PRKN: variants seen among roughly 807,000 people sequenced by gnomAD.
PRKN encodes E3 ubiquitin-protein ligase parkin.
A neutral mutation model predicts 59.5 loss-of-function variants in PRKN; 56 were observed. That is an observed-to-expected ratio of 0.94 (90% CI 0.76 to 1.18). The LOEUF is 1.18. PRKN is among the 50% of genes most tolerant of loss of function. The pLI is 0.00. For synonymous variants in PRKN, 250 were observed against 222.1 expected (o/e 1.13, Z -1.12); for missense variants, 657 against 596.4 (o/e 1.10, Z -1.06).
intron 1 of PRKN, among the ~76,000 whole-genome samples, chr6:162,680,185 A>G (rs1779716527): frequency 6.6e-6 from 1 of 151,230 alleles, no homozygotes; most frequent in Admixed American, 6.6e-5. Flanking sequence ...TATATATACT[A>G]AATAATATTT....
intron 1 of PRKN, among the ~76,000 whole-genome samples, chr6:162,576,452 T>C (rs1167125621): frequency 2.0e-5 from 3 of 152,154 alleles, no homozygotes; most frequent in Admixed American, 6.5e-5. Flanking sequence ...AATTACCCAG[T>C]GTTGAACATT....
chr6:161,369,567 C>T lies in PRKN; in HGVS notation c.1168-9362G>A, dbSNP rs1030086857. Among the ~76,000 whole-genome samples the T allele has an allele frequency of 1.3e-5, 2 of 152,126 alleles. No homozygotes were observed. Among genetic ancestry groups the T allele is most frequent in the Non-Finnish European group, 2.9e-5 (2 of 68,036 alleles). ...CGCCCGATTGTGCAATAAAGTGTGGCTCTCACGGGGCAGTGTAACTGTTAG... is the reference window on the plus strand; with the variant it reads ...CGCCCGATTGTGCAATAAAGTGTGGTTCTCACGGGGCAGTGTAACTGTTAG... On this transcript the variant is annotated intron_variant, in intron 10 of 11. Coordinates refer to ENST00000366898, the MANE Select transcript of PRKN (RefSeq NM_004562.3). This position sits in a 1 kb window ranked among gnomAD's most constrained non-coding sequence, Gnocchi z 5.8.
intron 1 of PRKN, among the ~76,000 whole-genome samples, chr6:162,590,422 A>C (rs1318097872): frequency 2.0e-5 from 3 of 152,176 alleles, no homozygotes; most frequent in Non-Finnish European, 4.4e-5. Context: ...TATCAACCTT[A>C]ATCTATCTGC....
intron 9 of PRKN, among the ~76,000 whole-genome samples, chr6:161,520,223 T>C (rs530529167): frequency 8.6e-4 from 83 of 96,674 alleles, no homozygotes; most frequent in African/African-American, 3.4e-3. Context: ...AATCTCTCTA[T>C]GCATTTTTTT....
intron 4 of PRKN, among the ~76,000 whole-genome samples, chr6:162,110,691 T>C (rs992606266): frequency 3.3e-5 from 5 of 152,140 alleles, no homozygotes; most frequent in Non-Finnish European, 7.4e-5. Flanking sequence ...AAAGGCAACC[T>C]TGAAACAGGG....
intron 2 of PRKN, among the ~76,000 whole-genome samples, chr6:162,291,133 G>A (rs988908771): frequency 6.6e-6 from 1 of 152,082 alleles, no homozygotes. Flanking sequence ...AGAATCCCAA[G>A]GGTAGAAGAG....
chr6:161,769,314 T>C (rs1789563947), intron 7 of PRKN, among the ~76,000 whole-genome samples: 1 of 152,154 alleles, frequency 6.6e-6, no homozygotes, highest in Non-Finnish European at 1.5e-5. Context: ...TTATATACCA[T>C]CTGATTTATG....
At chr6:162,057,638 T>C (rs1375679818) in intron 4 of PRKN, among the ~76,000 whole-genome samples, 2 of 152,234 alleles carry the variant, frequency 1.3e-5, no homozygotes, top group Non-Finnish European at 2.9e-5. Context: ...CTACAATGAA[T>C]ACACTTTTTA....
chr6:161,406,239 T>A (rs887469279), intron 9 of PRKN, among the ~76,000 whole-genome samples: 1 of 151,818 alleles, frequency 6.6e-6, no homozygotes, highest in Non-Finnish European at 1.5e-5. Context: ...TACACACACT[T>A]GATTTGAGGT....
chr6:161,465,493 T>A (rs891767725), intron 9 of PRKN, among the ~76,000 whole-genome samples: 2 of 151,878 alleles, frequency 1.3e-5, no homozygotes, highest in African/African-American at 4.8e-5. Context: ...TTTTTTTTTT[T>A]ACTAGACATG....
intron 1 of PRKN, 86 bp from the exon 2 acceptor site, chr6:162,443,559 T>C: frequency 8.0e-7 from 1 of 1,244,334 alleles, no homozygotes. Flanking sequence ...TCAACCGATT[T>C]ACCCCTCGCA....
rs112860908 is a variant in PRKN at position 161,357,202 on chromosome 6, C to T, written c.1285+2886G>A. 0.019 allele frequency among the ~76,000 whole-genome samples: 2,894 copies of T among 152,224 alleles called. 94 individuals are homozygous for T. Among genetic ancestry groups the T allele is most frequent in the African/African-American group, 0.066 (2,747 of 41,526 alleles). On this transcript the variant is annotated intron_variant, in intron 11 of 11. Transcript: ENST00000366898. This position sits in a 1 kb window ranked among gnomAD's most constrained non-coding sequence, Gnocchi z 5.5. ...AAGCAGTTGGGACTACAGGCATGTA[C>T]CACCATGCCCAGCTAACTTTTCTAT...
intron 7 of PRKN, among the ~76,000 whole-genome samples, chr6:161,778,153 T>G (rs935048195): frequency 3.3e-5 from 5 of 151,986 alleles, no homozygotes; most frequent in African/African-American, 1.2e-4. Context: ...CATGGGACAT[T>G]TGCTTCTTCC....
chr6:162,706,270 C>T (rs34725898), intron 1 of PRKN, among the ~76,000 whole-genome samples: 12,910 of 152,110 alleles, frequency 0.085, 689 homozygotes, highest in Middle Eastern at 0.18. Context: ...AGATTGTGCT[C>T]GTCTTGCTTA....
intron 8 of PRKN, among the ~76,000 whole-genome samples, chr6:161,557,022 T>C (rs1015215997): frequency 3.9e-5 from 6 of 152,258 alleles, no homozygotes; most frequent in Non-Finnish European, 8.8e-5. Context: ...GAATTTATTG[T>C]ACAATATTTG....
intron 3 of PRKN, among the ~76,000 whole-genome samples, chr6:162,211,082 A>C (rs1017278012): frequency 2.0e-5 from 3 of 152,184 alleles, no homozygotes; most frequent in Admixed American, 6.5e-5. Flanking sequence ...CCTCATTAGA[A>C]AGCACAAGCT....
chr6:161,381,885 G>A (rs1293624884), intron 10 of PRKN, among the ~76,000 whole-genome samples: 3 of 152,024 alleles, frequency 2.0e-5, no homozygotes, highest in Admixed American at 6.6e-5. Context: ...GGCCAAGGCG[G>A]GTGGATCACG....
At chr6:161,594,753 G>GT (rs1562548370) in intron 7 of PRKN, among the ~76,000 whole-genome samples, 1 of 151,954 alleles carries the variant, frequency 6.6e-6, no homozygotes, top group African/African-American at 2.4e-5. Context: ...AAAAACACTG[G>GT]TTTTTTTATA....
At chr6:162,594,195 C>T (rs1053268415) in intron 1 of PRKN, among the ~76,000 whole-genome samples, 8 of 152,128 alleles carry the variant, frequency 5.3e-5, no homozygotes, top group Admixed American at 3.9e-4. Context: ...TAGTCTTAAA[C>T]CTTTTTGCTC....
Sources: gnomAD v4.1 joint callset for allele counts (sites outside exome capture counted in the v4.1 genomes callset) on GRCh38, gnomAD v4.1.1 for gene constraint, Gnocchi (gnomAD v3.1) non-coding constraint, MANE v1.5 for transcripts, NCBI Gene and HGNC (gene_info 2026-07-23, HGNC 2026-07-21) for gene names.